RCOR3: variants seen among roughly 807,000 people sequenced by gnomAD.
The protein encoded by RCOR3 is REST corepressor 3.
Under a neutral mutation model 64.1 loss-of-function variants are expected in RCOR3, and 13 were observed. That is an observed-to-expected ratio of 0.20 (90% CI 0.13 to 0.32). RCOR3 has a LOEUF of 0.32. Among genes scored for constraint, RCOR3 ranks in the 10% least tolerant of loss-of-function variants. The pLI is 1.00. For synonymous variants in RCOR3, 215 were observed against 239.0 expected, an observed-to-expected ratio of 0.90 and a Z score of 0.93; for missense variants, 489 against 701.2, an observed-to-expected ratio of 0.70 and a Z score of 3.42.
intron 9 of RCOR3, among the ~76,000 whole-genome samples, chr1:211,300,899 A>AGT (rs1267574672): frequency 3.3e-5 from 5 of 151,384 alleles, no homozygotes; most frequent in Admixed American, 2.0e-4. Flanking sequence ...GGGAGACTCT[A>AGT]GTGTGTATGC....
In RCOR3 at chr1:211,280,456, C is replaced by A. The variant is rs574023812; in HGVS notation, c.720+1140C>A. On this transcript the variant is annotated intron_variant, in intron 7 of 11. Transcript: ENST00000419091. ...ACTTTGCACAGTACCTGGTATATGG[C>A]AAATATTCAATAAATGTTGATTCAA... Among the ~76,000 whole-genome samples the A allele has an allele frequency of 2.6e-5, 4 of 152,314 alleles. No homozygotes were observed. In the East Asian group the frequency reaches 7.7e-4, roughly 29 times the overall value.
chr1:211,263,967 G>A (rs1303993445), intron 2 of RCOR3, among the ~76,000 whole-genome samples: 1 of 151,650 alleles, frequency 6.6e-6, no homozygotes, highest in East Asian at 1.9e-4. Flanking sequence ...ACAGGCACAT[G>A]CCACCATACC....
chr1:211,278,356 T>C (rs1278493801), intron 6 of RCOR3, 115 bp downstream of exon 6: 3 of 1,196,092 alleles, frequency 2.5e-6, no homozygotes, highest in Non-Finnish European at 3.6e-6. Context: ...TATTCTTACA[T>C]TTATGTTTCT....
chr1:211,289,050 T>C (rs1698923685), intron 7 of RCOR3, 128 bp from the exon 8 acceptor site: 3 of 680,650 alleles, frequency 4.4e-6, no homozygotes, highest in Admixed American at 4.8e-5. Flanking sequence ...GTACATAATA[T>C]ATAATTGGTT....
chr1:211,291,965 T>G (rs1024920710), intron 8 of RCOR3, among the ~76,000 whole-genome samples: 1 of 152,042 alleles, frequency 6.6e-6, no homozygotes, highest in Non-Finnish European at 1.5e-5. Context: ...TAAAAAAAAT[T>G]TTAAAAATAG....
intron 3 of RCOR3, 115 bp downstream of exon 3, chr1:211,271,424 T>G (rs1696190974): frequency 1.3e-6 from 1 of 767,200 alleles, no homozygotes; most frequent in Admixed American, 2.5e-5. Context: ...AGTTTTGTCT[T>G]TGTTTTATTT....
chr1:211,259,844 G>A, intron 1 of RCOR3, 118 bp downstream of exon 1: 1 of 1,148,422 alleles, frequency 8.7e-7, no homozygotes, highest in Non-Finnish European at 1.2e-6. Context: ...GGGCGCTGCG[G>A]TAGCCTCGAA....
intron 9 of RCOR3, chr1:211,302,842 T>C (rs1283570918): frequency 6.6e-6 from 1 of 152,208 alleles, no homozygotes; most frequent in Non-Finnish European, 1.5e-5. Context: ...CAATTAACAA[T>C]ATATATCCCT....
intron 2 of RCOR3, among the ~76,000 whole-genome samples, chr1:211,268,808 T>C (rs1421769666): frequency 6.6e-6 from 1 of 152,202 alleles, no homozygotes; most frequent in Non-Finnish European, 1.5e-5. Context: ...TCGAATACTT[T>C]GGTAGTGTTT....
chr1:211,261,961 C>T (rs1694376903), intron 2 of RCOR3, among the ~76,000 whole-genome samples: 1 of 140,894 alleles, frequency 7.1e-6, no homozygotes, highest in Non-Finnish European at 1.5e-5. Flanking sequence ...ATTCCTAACT[C>T]CCAACTCTTC....
At chr1:211,308,369 C>G (rs893455792) in intron 10 of RCOR3, among the ~76,000 whole-genome samples, 1 of 152,058 alleles carries the variant, frequency 6.6e-6, no homozygotes, top group African/African-American at 2.4e-5. Context: ...CCTTTTCTAC[C>G]TCTTAATATG....
At position 211,315,718 on chromosome 1, in the gene RCOR3, GTCCAGCT is replaced by G. The variant is rs1223912273; in HGVS notation, c.*1951_*1957del. 6.6e-6 allele frequency: 1 copy of G among 152,178 alleles called. No homozygotes were observed. The highest frequency in any genetic ancestry group is 1.5e-5 in the Non-Finnish European group (1 of 68,030). 9.4% of individuals were successfully genotyped at this position (152,178 alleles called of 1,614,324 possible). A position where few individuals can be genotyped will look rare whatever the true frequency, so the allele number is the denominator to read the frequency against. ...GTCAAGTTGGTCAGCACCAGCATCT[GTCCAGCT>G]GTTCAGTATATTGTGATTCATTAAA... On this transcript the variant is annotated 3_prime_UTR_variant, in exon 12 of 12. Transcript: ENST00000419091.
intron 7 of RCOR3, 27 bp downstream of exon 7, chr1:211,279,343 T>G (rs888896832): frequency 6.7e-7 from 1 of 1,487,232 alleles, no homozygotes; most frequent in Admixed American, 1.7e-5. Context: ...GAAGTACTTG[T>G]GATTGTTCTA....
intron 7 of RCOR3, among the ~76,000 whole-genome samples, chr1:211,284,287 A>G (rs1698224203): frequency 6.6e-6 from 1 of 151,778 alleles, no homozygotes; most frequent in African/African-American, 2.4e-5. Context: ...TCACTGTGTT[A>G]GTCAGGATGG....
In RCOR3 at chr1:211,312,532, G is replaced by A; in HGVS notation, c.1076-188G>A. On this transcript the variant is annotated intron_variant, in intron 10 of 11. Coordinates refer to ENST00000419091, the MANE Select transcript of RCOR3 (RefSeq NM_001136223.3). The surrounding 1 kb of genome is among the most constrained non-coding windows in gnomAD (Gnocchi z 5.0). Reference sequence around the variant, plus strand: ...GTTGAAGGCAAGTGGCTGGCTCGATGAAATGACATAACTGATAGTTTTCAT... The same window carrying A: ...GTTGAAGGCAAGTGGCTGGCTCGATAAAATGACATAACTGATAGTTTTCAT... The A allele has an allele frequency of 1.5e-6, 1 of 649,568 alleles. No individual in the cohort carries two copies. 40.2% of individuals were successfully genotyped at this position (649,568 alleles called of 1,614,324 possible).
intron 2 of RCOR3, among the ~76,000 whole-genome samples, chr1:211,264,362 C>G (rs933614523): frequency 6.6e-6 from 1 of 152,028 alleles, no homozygotes; most frequent in Non-Finnish European, 1.5e-5. Context: ...AAAGGTGATA[C>G]TGATGATGAT....
intron 2 of RCOR3, chr1:211,260,991 G>C (rs1694162202): frequency 6.6e-6 from 1 of 152,258 alleles, no homozygotes; most frequent in Non-Finnish European, 1.5e-5. Flanking sequence ...CGCATATGGA[G>C]GCGCCCTTGC....
intron 9 of RCOR3, among the ~76,000 whole-genome samples, chr1:211,299,263 A>G (rs1352879557): frequency 1.3e-5 from 2 of 152,192 alleles, no homozygotes; most frequent in Non-Finnish European, 2.9e-5. Context: ...GCAAGTAGTA[A>G]ACCCAAAGAA....
chr1:211,313,196 G>C lies in RCOR3; in HGVS notation c.1318-228G>C, dbSNP rs1038415009. The C allele has an allele frequency of 2.1e-6, 3 of 1,433,584 alleles. No homozygotes were observed. The highest frequency in any genetic ancestry group is 2.7e-6 in the Non-Finnish European group (3 of 1,100,892). The allele number at this position is 1,433,584 out of a possible 1,614,324, so 88.8% of individuals were successfully genotyped here. A position where few individuals can be genotyped will look rare whatever the true frequency, so the allele number is the denominator to read the frequency against. ...TCATAGTCTTATTTTTATTTTCAGTGTTAAGCTGTTTACAAATAAAGATGC... is the reference window on the plus strand; with the variant it reads ...TCATAGTCTTATTTTTATTTTCAGTCTTAAGCTGTTTACAAATAAAGATGC... On this transcript the variant is annotated intron_variant, in intron 11 of 11. Transcript: ENST00000419091. The surrounding 1 kb of genome is among the most constrained non-coding windows in gnomAD (Gnocchi z 4.7).
Sources: gnomAD v4.1 joint callset for allele counts (sites outside exome capture counted in the v4.1 genomes callset) on GRCh38, gnomAD v4.1.1 for gene constraint, Gnocchi (gnomAD v3.1) non-coding constraint, MANE v1.5 for transcripts, NCBI Gene and HGNC (gene_info 2026-07-23, HGNC 2026-07-21) for gene names.